LYNX1: variants seen among roughly 807,000 people sequenced by gnomAD.
LYNX1 encodes ly-6/neurotoxin-like protein 1.
A neutral mutation model predicts 8.3 loss-of-function variants in LYNX1; 8 were observed. The observed-to-expected ratio is 0.97, with a 90% CI of 0.57 to 1.74. The LOEUF (loss-of-function observed/expected upper bound fraction) is 1.74. LYNX1 is among the 40% of genes most tolerant of loss of function. The pLI is 0.00. For synonymous variants in LYNX1, 73 were observed against 67.9 expected (o/e 1.08, Z -0.37); for missense variants, 158 against 159.7 (o/e 0.99, Z 0.06).
In LYNX1 at chr8:142,774,560, GAGGCAGAGCCGCCCCCTCCCC is replaced by G. The variant is rs1815322000; in HGVS notation, c.*586_*606del. 1.0e-6 allele frequency: 1 copy of G among 985,716 alleles called. No individual in the cohort carries two copies. The highest frequency in any genetic ancestry group is 1.2e-6 in the Non-Finnish European group (1 of 830,244). The allele number at this position is 985,716 out of a possible 1,614,324, so 61.1% of individuals were successfully genotyped here. A position where few individuals can be genotyped will look rare whatever the true frequency, so the allele number is the denominator to read the frequency against. ...GACTTCGGGGGCCCTGGGGCCTGCT[GAGGCAGAGCCGCCCCCTCCCC>G]TGCAGGGGGTGGCTCCAACTCGGGC... On this transcript the variant is annotated 3_prime_UTR_variant, in exon 4 of 4. Coordinates refer to ENST00000652477, the MANE Select transcript of LYNX1 (RefSeq NM_177477.4).
rs1815230604 is a variant in LYNX1 at position 142,772,628 on chromosome 8, C to T, written c.*2539G>A. 2 of 985,606 alleles carry T rather than the reference C, an allele frequency of 2.0e-6. No individual in the cohort carries two copies. The highest frequency in any genetic ancestry group is 2.3e-4 in the East Asian group (2 of 8,816). 61.1% of individuals were successfully genotyped at this position (985,606 alleles called of 1,614,324 possible). A position where few individuals can be genotyped will look rare whatever the true frequency, so the allele number is the denominator to read the frequency against. Reference sequence around the variant, plus strand: ...TGGCTCCCATTGCCGGGCTGCTATACAGTGCTCAGGGCCACAGTGCAGTGG... The same window carrying T: ...TGGCTCCCATTGCCGGGCTGCTATATAGTGCTCAGGGCCACAGTGCAGTGG... On this transcript the variant is annotated 3_prime_UTR_variant, in exon 4 of 4. Coordinates refer to ENST00000652477, the MANE Select transcript of LYNX1 (RefSeq NM_177477.4).
chr8:142,775,462 A>G, intron 3 of LYNX1, 99 bp from the exon 4 acceptor site: 1 of 1,571,286 alleles, frequency 6.4e-7, no homozygotes, highest in Non-Finnish European at 8.6e-7. Flanking sequence ...AGGGCCCCTC[A>G]GCCTGGAGCT....
At position 142,771,248 on chromosome 8, in the gene LYNX1, G is replaced by A. The variant is rs1483922165; in HGVS notation, c.*3919C>T. ...ACGGCTCGGTGAGACGACGCTGGAC[G>A]CTGGTTAGGGTAAGGGTTAGGGCAA... On this transcript the variant is annotated 3_prime_UTR_variant, in exon 4 of 4. Transcript: ENST00000652477. 2.3e-5 allele frequency: 23 copies of A among 985,376 alleles called. No homozygotes were observed. The highest frequency in any genetic ancestry group is 2.8e-5 in the Non-Finnish European group (23 of 829,998). The allele number at this position is 985,376 out of a possible 1,614,324, so 61.0% of individuals were successfully genotyped here.
chr8:142,775,041 T>G lies in LYNX1; in HGVS notation c.*126A>C. 6.8e-7 allele frequency: 1 copy of G among 1,473,720 alleles called. No individual in the cohort carries two copies. Among genetic ancestry groups the G allele is most frequent in the Non-Finnish European group, 9.0e-7 (1 of 1,114,610 alleles). 91.3% of individuals were successfully genotyped at this position (1,473,720 alleles called of 1,614,324 possible). A position where few individuals can be genotyped will look rare whatever the true frequency, so the allele number is the denominator to read the frequency against. The stretch of plus-strand genomic sequence containing the variant: ...AGGTCGGGTGTCTTCTTGCCCACAG[T>G]CCTGACCCTGGGCATGGCTGAGGAG... On this transcript the variant is annotated 3_prime_UTR_variant, in exon 4 of 4. Transcript: ENST00000652477.
intron 1 of LYNX1, chr8:142,776,688 T>C (rs963516676): frequency 6.6e-6 from 1 of 152,594 alleles, no homozygotes; most frequent in African/African-American, 2.4e-5. Flanking sequence ...CCAGCAGGGA[T>C]GAGCTGTGCC....
intron 3 of LYNX1, 55 bp from the exon 4 acceptor site, chr8:142,775,418 CT>C: frequency 6.3e-7 from 1 of 1,596,292 alleles, no homozygotes; most frequent in South Asian, 1.1e-5. Context: ...GGAGACCCAG[CT>C]GGCCCCACCC....
In LYNX1 at chr8:142,774,602, C is replaced by G. The variant is rs374651563; in HGVS notation, c.*565G>C. ...TCCCCTGCAGGGGGTGGCTCCAACT[C>G]GGGCCTGGCAGACTTCCTAGCACAG... On this transcript the variant is annotated 3_prime_UTR_variant, in exon 4 of 4. Coordinates refer to ENST00000652477, the MANE Select transcript of LYNX1 (RefSeq NM_177477.4). 3.0e-6 allele frequency: 3 copies of G among 985,890 alleles called. No homozygotes were observed. Among genetic ancestry groups the G allele is most frequent in the Admixed American group, 6.1e-5 (1 of 16,338 alleles). 61.1% of individuals were successfully genotyped at this position (985,890 alleles called of 1,614,324 possible).
chr8:142,773,998 C>G lies in LYNX1; in HGVS notation c.*1169G>C. ...GTGCGTGTTGGGCTGACCCCTGCTT[C>G]CCAGGCCTGGGGTGGGGTCCCTGGG... On this transcript the variant is annotated 3_prime_UTR_variant, in exon 4 of 4. Transcript: ENST00000652477. 1.0e-6 allele frequency: 1 copy of G among 985,376 alleles called. No homozygotes were observed. Among genetic ancestry groups the G allele is most frequent in the Non-Finnish European group, 1.2e-6 (1 of 829,946 alleles). The allele number at this position is 985,376 out of a possible 1,614,324, so 61.0% of individuals were successfully genotyped here.
rs1305071727 is a variant in LYNX1 at position 142,772,792 on chromosome 8, C to CTGAG, written c.*2371_*2374dup. ...CATGAGTGGGCCTGCCCAGCATTAG[C>CTGAG]TGAGTGCCTTCTGTGTGCTCTACGC... On this transcript the variant is annotated 3_prime_UTR_variant, in exon 4 of 4. Transcript: ENST00000652477. 94 of 985,548 alleles carry CTGAG rather than the reference C, an allele frequency of 9.5e-5. No homozygotes were observed. Among genetic ancestry groups the CTGAG allele is most frequent in the Middle Eastern group, 5.2e-4 (1 of 1,936 alleles). 61.1% of individuals were successfully genotyped at this position (985,548 alleles called of 1,614,324 possible).
Position 142,775,619 on chromosome 8 carries a change from A to AC in LYNX1, c.127dup (p.Val43GlyfsTer20), listed in dbSNP as rs780213248. 1 of 1,600,258 alleles carries AC rather than the reference A, an allele frequency of 6.2e-7. No individual in the cohort carries two copies. Among genetic ancestry groups the AC allele is most frequent in the Non-Finnish European group, 8.5e-7 (1 of 1,173,534 alleles). On this transcript the variant is annotated frameshift_variant, in exon 3 of 4. Transcript: ENST00000652477. LOFTEE classifies it high-confidence loss of function. ...GGTGCGCGTGGTCATGCAGTAGGCAACCATAGCCGGGCAGCGCATGGGGTT... is the reference window on the plus strand; with the variant it reads ...GGTGCGCGTGGTCATGCAGTAGGCAACCCATAGCCGGGCAGCGCATGGGGTT...
At position 142,774,761 on chromosome 8, in the gene LYNX1, G is replaced by A. The variant is rs972186427; in HGVS notation, c.*406C>T. The A allele has an allele frequency of 1.1e-5, 12 of 1,049,042 alleles. No individual in the cohort carries two copies. Among genetic ancestry groups the A allele is most frequent in the East Asian group, 1.6e-4 (2 of 12,842 alleles). The allele number at this position is 1,049,042 out of a possible 1,614,324, so 65.0% of individuals were successfully genotyped here. A position where few individuals can be genotyped will look rare whatever the true frequency, so the allele number is the denominator to read the frequency against. ...AGAGTCTCCCCACCACCCCACCTGC[G>A]GGCATTCCTTGTCTTCCCCCTGCCC... On this transcript the variant is annotated 3_prime_UTR_variant, in exon 4 of 4. Transcript: ENST00000652477.
Position 142,775,118 on chromosome 8 carries a change from G to A in LYNX1, c.*49C>T, listed in dbSNP as rs778435382. 1.3e-6 allele frequency: 2 copies of A among 1,580,760 alleles called. No homozygotes were observed. The highest frequency in any genetic ancestry group is 1.8e-5 in the Admixed American group (1 of 56,408). ...AGGGTGAGCTGGGTGCGAGGGTGTA[G>A]CAGTGTGTCTCGAGAGCTTTGTTCT... On this transcript the variant is annotated 3_prime_UTR_variant, in exon 4 of 4. Coordinates refer to ENST00000652477, the MANE Select transcript of LYNX1 (RefSeq NM_177477.4).
chr8:142,775,431 A>G, intron 3 of LYNX1, 68 bp from the exon 4 acceptor site: 3 of 1,589,776 alleles, frequency 1.9e-6, no homozygotes, highest in Non-Finnish European at 8.6e-7. Context: ...GCCCCACCCC[A>G]GCATCCACAG....
At position 142,774,144 on chromosome 8, in the gene LYNX1, C is replaced by CGCCCAA; in HGVS notation, c.*1022_*1023insTTGGGC. ...CGCTGCGGGGGAGGGGCTGGGTCTC[C>CGCCCAA]GCCCTCCCCACCCCACCCTCCCCAC... On this transcript the variant is annotated 3_prime_UTR_variant, in exon 4 of 4. Coordinates refer to ENST00000652477, the MANE Select transcript of LYNX1 (RefSeq NM_177477.4). 1.0e-6 allele frequency: 1 copy of CGCCCAA among 983,760 alleles called. No homozygotes were observed. Among genetic ancestry groups the CGCCCAA allele is most frequent in the Non-Finnish European group, 1.2e-6 (1 of 829,062 alleles). The allele number at this position is 983,760 out of a possible 1,614,324, so 60.9% of individuals were successfully genotyped here.
In LYNX1 at chr8:142,773,660, G is replaced by A. The variant is rs1324488348; in HGVS notation, c.*1507C>T. Reference sequence around the variant, plus strand: ...ATAGACTCACTGCAAGGAGACCCCTGGGGTGGAGACCCTCATTCCCTGATC... The same window carrying A: ...ATAGACTCACTGCAAGGAGACCCCTAGGGTGGAGACCCTCATTCCCTGATC... On this transcript the variant is annotated 3_prime_UTR_variant, in exon 4 of 4. Coordinates refer to ENST00000652477, the MANE Select transcript of LYNX1 (RefSeq NM_177477.4). 2.0e-6 allele frequency: 2 copies of A among 985,272 alleles called. No individual in the cohort carries two copies. Among genetic ancestry groups the A allele is most frequent in the African/African-American group, 1.7e-5 (1 of 57,214 alleles). 61.0% of individuals were successfully genotyped at this position (985,272 alleles called of 1,614,324 possible). A position where few individuals can be genotyped will look rare whatever the true frequency, so the allele number is the denominator to read the frequency against.
Position 142,773,012 on chromosome 8 carries a change from C to T in LYNX1, c.*2155G>A. 3.0e-6 allele frequency: 3 copies of T among 985,614 alleles called. No individual in the cohort carries two copies. The highest frequency in any genetic ancestry group is 3.6e-6 in the Non-Finnish European group (3 of 830,042). The allele number at this position is 985,614 out of a possible 1,614,324, so 61.1% of individuals were successfully genotyped here. A position where few individuals can be genotyped will look rare whatever the true frequency, so the allele number is the denominator to read the frequency against. ...CCTGAGCCATGGGTGGCCAGGTCTC[C>T]TCCCCATCACCCCACTGAGACTCGA... On this transcript the variant is annotated 3_prime_UTR_variant, in exon 4 of 4. Coordinates refer to ENST00000652477, the MANE Select transcript of LYNX1 (RefSeq NM_177477.4).
At position 142,775,267 on chromosome 8, in the gene LYNX1, G is replaced by A. The variant is rs770864383; in HGVS notation, c.251C>T (p.Ser84Phe). ...DGYSKHASTT[S>F]CCQYDLCNGT... ...GTTGCAGAGGTCGTACTGGCAGCAG[G>A]AGGTGGTGGACGCGTGCTTGGAGTA... The change falls in exon 4 of 4, where the codon TCC becomes TTC. Residue 84 changes from serine to phenylalanine, a missense_variant. Physicochemically the swap from Ser to Phe is radical, Grantham distance 155 (BLOSUM62 -2). Coordinates refer to ENST00000652477, the MANE Select transcript of LYNX1 (RefSeq NM_177477.4). 3 of 1,614,018 alleles carry A rather than the reference G, an allele frequency of 1.9e-6. No individual in the cohort carries two copies. Among genetic ancestry groups the A allele is most frequent in the Admixed American group, 1.7e-5 (1 of 60,020 alleles).
Position 142,772,707 on chromosome 8 carries a change from CTG to C in LYNX1, c.*2458_*2459del. 1.0e-6 allele frequency: 1 copy of C among 985,652 alleles called. No individual in the cohort carries two copies. Among genetic ancestry groups the C allele is most frequent in the Non-Finnish European group, 1.2e-6 (1 of 830,078 alleles). 61.1% of individuals were successfully genotyped at this position (985,652 alleles called of 1,614,324 possible). A position where few individuals can be genotyped will look rare whatever the true frequency, so the allele number is the denominator to read the frequency against. On this transcript the variant is annotated 3_prime_UTR_variant, in exon 4 of 4. Transcript: ENST00000652477. ...GCATACAACCCGGACAAGTTTACTG[CTG>C]TGATTTCTGCCGGCGCTGCTGTGCC...
In LYNX1 at chr8:142,771,577, AG is replaced by A. The variant is rs1815178469; in HGVS notation, c.*3589del. 2.0e-6 allele frequency: 2 copies of A among 985,394 alleles called. No individual in the cohort carries two copies. The highest frequency in any genetic ancestry group is 4.7e-5 in the South Asian group (1 of 21,266). 61.0% of individuals were successfully genotyped at this position (985,394 alleles called of 1,614,324 possible). On this transcript the variant is annotated 3_prime_UTR_variant, in exon 4 of 4. Transcript: ENST00000652477. ...AGGGCCCAGAGGGAAGGAGATCCTG[AG>A]GGGCTGGCAGATTCAGGCCCTCCCT...
Sources: allele counts gnomAD v4.1 joint callset, GRCh38; gene constraint gnomAD v4.1.1; transcripts MANE v1.5; gene names NCBI Gene and HGNC (gene_info 2026-07-23, HGNC 2026-07-21).